ELOVL6: variants seen among roughly 807,000 people sequenced by gnomAD.
ELOVL6 encodes the protein ELOVL fatty acid elongase 6.
In ELOVL6, 8 loss-of-function variants were observed where a neutral mutation model predicts 31.7. The observed-to-expected ratio is 0.25, with a 90% CI of 0.15 to 0.45. ELOVL6 has a LOEUF of 0.45. Ranked by LOEUF, ELOVL6 falls within the 20% of genes least tolerant of loss-of-function variation. ELOVL6 has a pLI of 1.00. For missense variants in ELOVL6, 126 were observed against 326.4 expected (o/e 0.39, Z 4.73); for synonymous variants, 101 against 117.7 (o/e 0.86, Z 0.92).
intron 1 of ELOVL6, among the ~76,000 whole-genome samples, chr4:110,140,323 C>G (rs1047093817): frequency 1.3e-5 from 2 of 152,136 alleles, no homozygotes; most frequent in Non-Finnish European, 2.9e-5. Flanking sequence ...ACTTTGTGCT[C>G]AGTGTCAGAT....
intron 1 of ELOVL6, chr4:110,198,002 T>C (rs959152515): frequency 1.0e-5 from 6 of 590,572 alleles, no homozygotes; most frequent in South Asian, 7.9e-5. Flanking sequence ...TTCTGTGTTA[T>C]ATAATCTATA....
chr4:110,075,103 T>C (rs1429003929), intron 2 of ELOVL6, among the ~76,000 whole-genome samples: 5 of 152,162 alleles, frequency 3.3e-5, no homozygotes, highest in Admixed American at 3.3e-4. Context: ...GGATGGCTAC[T>C]ATCAAAAAAA....
At position 110,132,470 on chromosome 4, in the gene ELOVL6, AAG is replaced by A. The variant is rs374289051; in HGVS notation, c.90-26844_90-26843del. ...TGATTTAATATGGGGAGAGAGGCAAAAGAGAGGGTAAGGGATGATTTGTGGGT... is the reference window on the plus strand; with the variant it reads ...TGATTTAATATGGGGAGAGAGGCAAAAGAGGGTAAGGGATGATTTGTGGGT... On this transcript the variant is annotated intron_variant, in intron 1 of 3. Coordinates refer to ENST00000302274, the MANE Select transcript of ELOVL6 (RefSeq NM_024090.3). 3.8e-3 allele frequency among the ~76,000 whole-genome samples: 576 copies of A among 152,094 alleles called. 1 individual carries two copies. Among genetic ancestry groups the A allele is most frequent in the African/African-American group, 0.011 (466 of 41,494 alleles).
At chr4:110,120,798 C>CTTTTTTTTTTTTTTTTTTTT (rs1008949209) in intron 1 of ELOVL6, among the ~76,000 whole-genome samples, 1 of 117,872 alleles carries the variant, frequency 8.5e-6, no homozygotes, top group South Asian at 2.9e-4. Context: ...TTTTTCTTTT[C>CTTTTTTTTTTTTTTTTTTTT]TTTTTTTTTT....
intron 1 of ELOVL6, among the ~76,000 whole-genome samples, chr4:110,161,885 G>T (rs573272534): frequency 6.6e-6 from 1 of 152,122 alleles, no homozygotes; most frequent in South Asian, 2.1e-4. Context: ...TAAGTGCAAG[G>T]GTTCCATATT....
intron 1 of ELOVL6, among the ~76,000 whole-genome samples, chr4:110,145,172 T>G (rs1182932002): frequency 6.6e-6 from 1 of 151,744 alleles, no homozygotes; most frequent in African/African-American, 2.4e-5. Flanking sequence ...AAAGAAGCTG[T>G]GCAAGGTGAC....
chr4:110,113,970 G>A (rs1757108558), intron 1 of ELOVL6, among the ~76,000 whole-genome samples: 1 of 152,150 alleles, frequency 6.6e-6, no homozygotes, highest in African/African-American at 2.4e-5. Context: ...ATAATGATGA[G>A]CCAGGCATGA....
At chr4:110,165,962 C>T (rs116199152) in intron 1 of ELOVL6, among the ~76,000 whole-genome samples, 485 of 152,282 alleles carry the variant, frequency 3.2e-3, no homozygotes, top group Non-Finnish European at 6.0e-3. Context: ...ACATCCCTAA[C>T]AAATTATCAA....
At chr4:110,096,390 T>C (rs141174394) in intron 2 of ELOVL6, among the ~76,000 whole-genome samples, 192 of 152,284 alleles carry the variant, frequency 1.3e-3, no homozygotes, top group African/African-American at 4.5e-3. Flanking sequence ...TCAGTTAGGG[T>C]CACTTTATTT....
At chr4:110,071,904 T>G (rs528377470) in intron 2 of ELOVL6, among the ~76,000 whole-genome samples, 1 of 152,338 alleles carries the variant, frequency 6.6e-6, no homozygotes, top group African/African-American at 2.4e-5. Context: ...TCCAAAAGAT[T>G]TCAGGGCCTG....
intron 3 of ELOVL6, among the ~76,000 whole-genome samples, chr4:110,055,786 A>G (rs1330279521): frequency 6.6e-6 from 1 of 152,208 alleles, no homozygotes; most frequent in Non-Finnish European, 1.5e-5. Flanking sequence ...AGTTTTAACA[A>G]AACAAAATCT....
intron 1 of ELOVL6, among the ~76,000 whole-genome samples, chr4:110,163,065 G>C (rs1216705914): frequency 6.6e-6 from 1 of 152,184 alleles, no homozygotes; most frequent in Non-Finnish European, 1.5e-5. Context: ...ATCACACTGA[G>C]AATATATGAA....
intron 1 of ELOVL6, among the ~76,000 whole-genome samples, chr4:110,113,007 G>A (rs565055663): frequency 2.0e-5 from 3 of 152,114 alleles, no homozygotes; most frequent in South Asian, 2.1e-4. Context: ...GGCAGATCAC[G>A]AGGTCAGGGG....
At chr4:110,133,912 C>G (rs1015105863) in intron 1 of ELOVL6, among the ~76,000 whole-genome samples, 1 of 152,158 alleles carries the variant, frequency 6.6e-6, no homozygotes, top group Non-Finnish European at 1.5e-5. Context: ...TTACCAGAAG[C>G]CTGTTTACAT....
intron 2 of ELOVL6, among the ~76,000 whole-genome samples, chr4:110,084,447 C>CACATATATCATATATCATAT (rs779545208): frequency 9.1e-6 from 1 of 109,834 alleles, no homozygotes; most frequent in East Asian, 2.5e-4. Context: ...TATGATATAT[C>CACATATATCATATATCATAT]GCATATATCA....
At chr4:110,113,424 A>G (rs1302830205) in intron 1 of ELOVL6, among the ~76,000 whole-genome samples, 1 of 151,948 alleles carries the variant, frequency 6.6e-6, no homozygotes, top group African/African-American at 2.4e-5. Flanking sequence ...CTCTACAAAA[A>G]AATTAAAAAT....
chr4:110,179,233 A>G (rs1759203581), intron 1 of ELOVL6, among the ~76,000 whole-genome samples: 1 of 152,242 alleles, frequency 6.6e-6, no homozygotes, highest in African/African-American at 2.4e-5. Flanking sequence ...GGCCAGGTAT[A>G]GTGGCTCATG....
At chr4:110,111,675 T>G (rs767406042) in intron 1 of ELOVL6, among the ~76,000 whole-genome samples, 2 of 152,168 alleles carry the variant, frequency 1.3e-5, no homozygotes, top group Non-Finnish European at 1.5e-5. Context: ...GAGACTATTG[T>G]CATGAGAAAA....
intron 2 of ELOVL6, among the ~76,000 whole-genome samples, chr4:110,084,448 G>GCATATATCATATATATCA (rs750150480): frequency 9.4e-5 from 3 of 32,080 alleles, no homozygotes; most frequent in Non-Finnish European, 4.7e-5. Flanking sequence ...ATGATATATC[G>GCATATATCATATATATCA]CATATATCAT....
Sources: allele counts gnomAD v4.1 joint callset (sites outside exome capture counted in the v4.1 genomes callset), GRCh38; gene constraint gnomAD v4.1.1; transcripts MANE v1.5; gene names NCBI Gene and HGNC (gene_info 2026-07-23, HGNC 2026-07-21).